SHISA6: variants seen among roughly 807,000 people sequenced by gnomAD.
SHISA6 encodes protein shisa-6.
In SHISA6, 22 loss-of-function variants were observed where a neutral mutation model predicts 47.9. The ratio of observed to expected loss-of-function variants is 0.46; its 90% CI spans 0.33 to 0.66. SHISA6 has a LOEUF of 0.66. Among genes scored for constraint, SHISA6 ranks in the 30% least tolerant of loss-of-function variants. SHISA6 has a pLI of 0.02. For missense variants in SHISA6, 680 were observed against 764.6 expected (o/e 0.89, Z 1.30); for synonymous variants, 388 against 337.8 (o/e 1.15, Z -1.63).
chr17:11,401,354 C>T (rs1056437708), intron 3 of SHISA6, among the ~76,000 whole-genome samples: 1 of 152,184 alleles, frequency 6.6e-6, no homozygotes, highest in Non-Finnish European at 1.5e-5. Flanking sequence ...TGCCATCATG[C>T]CCAGCTAACT....
intron 2 of SHISA6, among the ~76,000 whole-genome samples, chr17:11,264,434 G>A (rs531800889): frequency 6.6e-6 from 1 of 152,292 alleles, no homozygotes. Context: ...GTAAGAACTA[G>A]GAAACCGTAA....
intron 1 of SHISA6, among the ~76,000 whole-genome samples, chr17:11,260,972 G>A (rs1908211885): frequency 6.6e-6 from 1 of 152,138 alleles, no homozygotes. Context: ...CGGTTAGAAA[G>A]TAGCTCAGGC....
intron 2 of SHISA6, among the ~76,000 whole-genome samples, chr17:11,319,410 G>A (rs1332692197): frequency 6.6e-6 from 1 of 152,092 alleles, no homozygotes; most frequent in African/African-American, 2.4e-5. Flanking sequence ...GTATGGTTGT[G>A]TCTGGTGTAA....
At chr17:11,543,073 AT>A (rs2071847341) in intron 3 of SHISA6, among the ~76,000 whole-genome samples, 1 of 152,142 alleles carries the variant, frequency 6.6e-6, no homozygotes, top group Admixed American at 6.6e-5. Flanking sequence ...TTAAAATTTC[AT>A]TATCAAGAAA....
At chr17:11,268,860 A>G (rs942817013) in intron 2 of SHISA6, among the ~76,000 whole-genome samples, 1 of 152,132 alleles carries the variant, frequency 6.6e-6, no homozygotes, top group Non-Finnish European at 1.5e-5. Flanking sequence ...GGATCCAAGC[A>G]CAGATGCTGG....
chr17:11,435,096 G>A (rs1003695644), intron 3 of SHISA6, among the ~76,000 whole-genome samples: 6 of 149,604 alleles, frequency 4.0e-5, no homozygotes, highest in Admixed American at 2.7e-4. Context: ...AGGCTTGAGA[G>A]CTTATGAGTG....
chr17:11,439,514 G>A (rs749555681), intron 3 of SHISA6, among the ~76,000 whole-genome samples: 18 of 152,164 alleles, frequency 1.2e-4, no homozygotes, highest in Non-Finnish European at 2.4e-4. Flanking sequence ...AATGGGTAGC[G>A]TGGAGTCCAG....
chr17:11,306,018 C>T (rs1051227641), intron 2 of SHISA6, among the ~76,000 whole-genome samples: 1 of 152,164 alleles, frequency 6.6e-6, no homozygotes, highest in African/African-American at 2.4e-5. Flanking sequence ...TGCCACCGTG[C>T]CCCAAAGCAA....
chr17:11,393,826 T>C (rs1479312849), intron 3 of SHISA6, among the ~76,000 whole-genome samples: 1 of 152,202 alleles, frequency 6.6e-6, no homozygotes, highest in African/African-American at 2.4e-5. Context: ...TCCTTCTTGC[T>C]CACTGCACTC....
At chr17:11,474,613 A>G (rs1031369982) in intron 3 of SHISA6, among the ~76,000 whole-genome samples, 2 of 152,116 alleles carry the variant, frequency 1.3e-5, no homozygotes, top group Non-Finnish European at 2.9e-5. Flanking sequence ...AGTTAACTAT[A>G]TTTACATGGG....
intron 3 of SHISA6, among the ~76,000 whole-genome samples, chr17:11,432,261 C>T (rs1382543674): frequency 6.6e-6 from 1 of 152,164 alleles, no homozygotes; most frequent in East Asian, 1.9e-4. Flanking sequence ...TGGCCATGAG[C>T]TTTTCTCTTG....
intron 3 of SHISA6, among the ~76,000 whole-genome samples, chr17:11,380,744 T>A (rs1470526433): frequency 6.6e-6 from 1 of 151,978 alleles, no homozygotes; most frequent in Admixed American, 6.6e-5. Flanking sequence ...GGGCTTGGAG[T>A]CTCATGAGGT....
intron 2 of SHISA6, among the ~76,000 whole-genome samples, chr17:11,307,258 A>G (rs903721670): frequency 6.6e-6 from 1 of 152,074 alleles, no homozygotes; most frequent in East Asian, 1.9e-4. Flanking sequence ...GAGATCTCCA[A>G]ATGCAGTGGC....
intron 3 of SHISA6, among the ~76,000 whole-genome samples, chr17:11,534,157 C>CTTTTTTTTTTTTTTTTTTTTT (rs373384700): frequency 1.1e-5 from 1 of 93,196 alleles, no homozygotes; most frequent in African/African-American, 4.3e-5. Flanking sequence ...TCTTTTTTTT[C>CTTTTTTTTTTTTTTTTTTTTT]TTTTTTTTTT....
chr17:11,300,665 TTTTC>T (rs1382057826), intron 2 of SHISA6, among the ~76,000 whole-genome samples: 1 of 151,680 alleles, frequency 6.6e-6, no homozygotes, highest in Non-Finnish European at 1.5e-5. Flanking sequence ...TTTTTTTTCT[TTTTC>T]TTTTTTTTTT....
chr17:11,399,574 AC>A (rs1434865398), intron 3 of SHISA6, among the ~76,000 whole-genome samples: 12 of 152,236 alleles, frequency 7.9e-5, no homozygotes, highest in Admixed American at 5.9e-4. Context: ...GGTGCCTGCC[AC>A]CACACCCAGC....
rs535348424 is a variant in SHISA6 at position 11,272,689 on chromosome 17, G to A, written c.799+9163G>A. The stretch of plus-strand genomic sequence containing the variant: ...TCTCTAATCCCTGGCTCAGAGCCTG[G>A]CATACTCAAGCTGTCCAGTAAGTAC... On this transcript the variant is annotated intron_variant, in intron 2 of 5. Coordinates refer to ENST00000441885, the MANE Select transcript of SHISA6 (RefSeq NM_207386.4). 9.2e-5 allele frequency among the ~76,000 whole-genome samples: 14 copies of A among 152,224 alleles called. No homozygotes were observed. The South Asian group carries it at 2.7e-3, about 29-fold the overall frequency.
chr17:11,504,523 T>C (rs142724537), intron 3 of SHISA6, among the ~76,000 whole-genome samples: 1 of 152,292 alleles, frequency 6.6e-6, no homozygotes, highest in East Asian at 1.9e-4. Flanking sequence ...CCAGCATTCC[T>C]AGCCTTGGCC....
chr17:11,550,180 A>C (rs969343478), intron 3 of SHISA6, among the ~76,000 whole-genome samples: 3 of 151,750 alleles, frequency 2.0e-5, no homozygotes, highest in Non-Finnish European at 2.9e-5. Flanking sequence ...TCAGCCTCCC[A>C]AGTAGCTGGG....
Sources: gnomAD v4.1 joint callset for allele counts (sites outside exome capture counted in the v4.1 genomes callset) on GRCh38, gnomAD v4.1.1 for gene constraint, MANE v1.5 for transcripts, NCBI Gene and HGNC (gene_info 2026-07-23, HGNC 2026-07-21) for gene names.